FAM117B: variants seen among roughly 807,000 people sequenced by gnomAD.
FAM117B encodes the protein protein FAM117B.
A neutral mutation model predicts 52.8 loss-of-function variants in FAM117B; 22 were observed. The ratio of observed to expected loss-of-function variants is 0.42; its 90% CI spans 0.30 to 0.59. The LOEUF is 0.59. Ranked by LOEUF, FAM117B falls within the 20% of genes least tolerant of loss-of-function variation. The pLI, the probability that FAM117B is intolerant of heterozygous loss-of-function variation, is 0.22. For missense variants in FAM117B, 678 were observed against 802.6 expected, an observed-to-expected ratio of 0.84 and a Z score of 1.88; for synonymous variants, 309 against 324.1, an observed-to-expected ratio of 0.95 and a Z score of 0.50.
chr2:202,698,929 G>T (rs1574560697), intron 2 of FAM117B, among the ~76,000 whole-genome samples: 1 of 152,058 alleles, frequency 6.6e-6, no homozygotes, highest in African/African-American at 2.4e-5. Flanking sequence ...GCAGTTTTAG[G>T]TTCAATGGGT....
chr2:202,671,405 TGAG>T (rs1181428724), intron 1 of FAM117B, among the ~76,000 whole-genome samples: 1 of 152,202 alleles, frequency 6.6e-6, no homozygotes, highest in Non-Finnish European at 1.5e-5. Flanking sequence ...ATTGTCCCAT[TGAG>T]GGATAAGACA....
chr2:202,753,603 G>A (rs1691756903), intron 4 of FAM117B, among the ~76,000 whole-genome samples: 1 of 152,084 alleles, frequency 6.6e-6, no homozygotes, highest in Admixed American at 6.5e-5. Context: ...GAAAACTTTT[G>A]CAATCTACCC....
intron 2 of FAM117B, among the ~76,000 whole-genome samples, chr2:202,718,829 A>G (rs753783924): frequency 6.6e-6 from 1 of 152,152 alleles, no homozygotes; most frequent in Non-Finnish European, 1.5e-5. Context: ...CTCATTCCAT[A>G]AAACTGTGCC....
At chr2:202,664,739 G>A (rs890584321) in intron 1 of FAM117B, among the ~76,000 whole-genome samples, 16 of 151,892 alleles carry the variant, frequency 1.1e-4, no homozygotes, top group African/African-American at 3.6e-4. Context: ...CTCAGAACAC[G>A]TGCCTCATTT....
chr2:202,759,595 A>G (rs1448039210), intron 7 of FAM117B, among the ~76,000 whole-genome samples: 1 of 148,850 alleles, frequency 6.7e-6, no homozygotes, highest in Non-Finnish European at 1.5e-5. Flanking sequence ...TTTCACTCTG[A>G]CACCCAGGCT....
chr2:202,666,668 CTTTTTT>C (rs1157457357), intron 1 of FAM117B, among the ~76,000 whole-genome samples: 2 of 125,786 alleles, frequency 1.6e-5, no homozygotes, highest in African/African-American at 3.1e-5. Context: ...CGTTTCATTT[CTTTTTT>C]TTTTTTTTTT....
intron 4 of FAM117B, among the ~76,000 whole-genome samples, chr2:202,754,758 C>T (rs1466794694): frequency 2.0e-5 from 3 of 151,212 alleles, no homozygotes; most frequent in East Asian, 2.0e-4. Context: ...GGTGTGGTGG[C>T]GGGTGCCTGT....
intron 4 of FAM117B, among the ~76,000 whole-genome samples, chr2:202,747,041 C>T (rs1300797201): frequency 6.6e-6 from 1 of 151,114 alleles, no homozygotes; most frequent in East Asian, 1.9e-4. Context: ...AAAATACTGG[C>T]AAACCAGATC....
intron 2 of FAM117B, among the ~76,000 whole-genome samples, chr2:202,712,840 T>A (rs1690979257): frequency 6.6e-6 from 1 of 152,196 alleles, no homozygotes; most frequent in East Asian, 1.9e-4. Context: ...ATGTGATATA[T>A]CACACTGATT....
intron 1 of FAM117B, among the ~76,000 whole-genome samples, chr2:202,637,503 C>T (rs942100515): frequency 3.9e-5 from 6 of 152,146 alleles, no homozygotes; most frequent in African/African-American, 1.2e-4. Context: ...GTGATCTGCC[C>T]GCCTTGGCCT....
At chr2:202,650,490 G>T (rs1689940273) in intron 1 of FAM117B, among the ~76,000 whole-genome samples, 1 of 152,176 alleles carries the variant, frequency 6.6e-6, no homozygotes. Flanking sequence ...GGGTTATCTA[G>T]AGGAACTGAA....
At chr2:202,716,259 G>GAAATGTGTTTA (rs1691054506) in intron 2 of FAM117B, among the ~76,000 whole-genome samples, 1 of 150,638 alleles carries the variant, frequency 6.6e-6, no homozygotes, top group Admixed American at 6.6e-5. Flanking sequence ...TTTTTTTTCA[G>GAAATGTGTTTA]CGTATATAGT....
intron 4 of FAM117B, among the ~76,000 whole-genome samples, chr2:202,744,556 A>G (rs1478775916): frequency 2.6e-5 from 4 of 152,200 alleles, no homozygotes. Context: ...CATCAGACTA[A>G]TAGTAAGTTT....
At chr2:202,646,555 C>G (rs1210753651) in intron 1 of FAM117B, among the ~76,000 whole-genome samples, 1 of 152,130 alleles carries the variant, frequency 6.6e-6, no homozygotes, top group Non-Finnish European at 1.5e-5. Flanking sequence ...CAGATTTTCC[C>G]AATCTTTTTG....
chr2:202,750,177 C>T (rs1259420785), intron 4 of FAM117B, among the ~76,000 whole-genome samples: 1 of 152,134 alleles, frequency 6.6e-6, no homozygotes, highest in East Asian at 1.9e-4. Flanking sequence ...CTCTGGTGTC[C>T]TCTTGGACCG....
In FAM117B at chr2:202,719,319, G is replaced by A. The variant is rs183487758; in HGVS notation, c.754-5598G>A. ...GTGTTACTCTCATCATCTTTAATTTGTTCTTAATAAATCTATGGGAATCTT... is the reference window on the plus strand; with the variant it reads ...GTGTTACTCTCATCATCTTTAATTTATTCTTAATAAATCTATGGGAATCTT... On this transcript the variant is annotated intron_variant, in intron 2 of 7. Coordinates refer to ENST00000392238, the MANE Select transcript of FAM117B (RefSeq NM_173511.4). Among the ~76,000 whole-genome samples the A allele has an allele frequency of 2.3e-3, 346 of 152,038 alleles. 1 individual carries two copies. The highest frequency in any genetic ancestry group is 3.5e-3 in the Non-Finnish European group (237 of 67,948).
At chr2:202,660,865 G>A (rs1414476140) in intron 1 of FAM117B, among the ~76,000 whole-genome samples, 2 of 152,196 alleles carry the variant, frequency 1.3e-5, no homozygotes, top group East Asian at 1.9e-4. Context: ...GGTCACTGCC[G>A]AAGCCATAGG....
intron 1 of FAM117B, among the ~76,000 whole-genome samples, chr2:202,667,560 C>A (rs1485290712): frequency 2.0e-5 from 3 of 152,022 alleles, no homozygotes; most frequent in Non-Finnish European, 4.4e-5. Flanking sequence ...CCAATTATTA[C>A]AATGAAGGTG....
At chr2:202,726,555 C>G (rs1315465031) in intron 4 of FAM117B, among the ~76,000 whole-genome samples, 192 bp downstream of exon 4, 3 of 152,076 alleles carry the variant, frequency 2.0e-5, no homozygotes, top group African/African-American at 7.2e-5. Flanking sequence ...CTTTAGTGAC[C>G]TAAGATACGA....
Sources: allele counts gnomAD v4.1 joint callset (sites outside exome capture counted in the v4.1 genomes callset), GRCh38; gene constraint gnomAD v4.1.1; transcripts MANE v1.5; gene names NCBI Gene and HGNC (gene_info 2026-07-23, HGNC 2026-07-21).